SIPA1L3: variants seen among roughly 807,000 people sequenced by gnomAD.
SIPA1L3 encodes signal induced proliferation associated 1 like 3.
In SIPA1L3, 59 loss-of-function variants were observed where a neutral mutation model predicts 150.1. That is an observed-to-expected ratio of 0.39 (90% CI 0.32 to 0.49). SIPA1L3 has a LOEUF of 0.49. SIPA1L3 is among the 20% of genes least tolerant of loss of function. The probability of loss-of-function intolerance (pLI) is 0.86; values close to 1 mark genes in which losing one functional copy is unlikely to be tolerated. For missense variants in SIPA1L3, 2,211 were observed against 2,489.5 expected, an observed-to-expected ratio of 0.89 and a Z score of 2.38; for synonymous variants, 1,070 against 1,077.6, an observed-to-expected ratio of 0.99 and a Z score of 0.14.
intron 1 of SIPA1L3, among the ~76,000 whole-genome samples, chr19:38,018,410 C>T (rs560233292): frequency 2.6e-5 from 4 of 152,084 alleles, no homozygotes; most frequent in South Asian, 2.1e-4. Flanking sequence ...GTGATCTGCC[C>T]GCCTCGGCTA....
intron 17 of SIPA1L3, among the ~76,000 whole-genome samples, 159 bp from the exon 18 acceptor site, chr19:38,193,378 G>A (rs2146046711): frequency 7.6e-6 from 1 of 130,926 alleles, no homozygotes; most frequent in South Asian, 3.0e-4. Context: ...GAGGGGGGAG[G>A]GAGGAAGGGA....
intron 1 of SIPA1L3, among the ~76,000 whole-genome samples, chr19:37,969,500 T>C (rs548642808): frequency 8.8e-5 from 13 of 147,418 alleles, no homozygotes; most frequent in African/African-American, 3.3e-4. Context: ...TGCAGTGAGC[T>C]GAGATTGTGC....
intron 14 of SIPA1L3, 50 bp downstream of exon 14, chr19:38,162,421 G>C: frequency 7.2e-7 from 1 of 1,390,184 alleles, no homozygotes; most frequent in Non-Finnish European, 1.0e-6. Context: ...GCCTGCCTGG[G>C]TGTGGCCTCT....
chr19:37,990,247 G>C (rs549604211), intron 1 of SIPA1L3, among the ~76,000 whole-genome samples: 1 of 152,186 alleles, frequency 6.6e-6, no homozygotes, highest in African/African-American at 2.4e-5. Context: ...CTACCTGGGG[G>C]TAGGGACAGA....
chr19:37,941,108 A>ACCCC (rs945437970), intron 1 of SIPA1L3, among the ~76,000 whole-genome samples: 12 of 150,434 alleles, frequency 8.0e-5, no homozygotes, highest in African/African-American at 2.9e-4. Context: ...ACACACACAC[A>ACCCC]CACACACACA....
chr19:38,160,405 T>C (rs1972054692), intron 13 of SIPA1L3, among the ~76,000 whole-genome samples: 1 of 149,892 alleles, frequency 6.7e-6, no homozygotes, highest in Admixed American at 6.7e-5. Flanking sequence ...CAGCTGCTAC[T>C]CTTTTTTTTT....
At position 38,206,914 on chromosome 19, in the gene SIPA1L3, G is replaced by T. The variant is rs890782626; in HGVS notation, c.*674G>T. On this transcript the variant is annotated 3_prime_UTR_variant, in exon 22 of 22. Transcript: ENST00000222345. ...AGAGGCAAGGCTAGCCTCCAGAGCC[G>T]ATTTATTTGAGAGAGAAACTCTATT... 1.3e-5 allele frequency: 2 copies of T among 152,558 alleles called. No homozygotes were observed. Among genetic ancestry groups the T allele is most frequent in the Non-Finnish European group, 2.9e-5 (2 of 68,048 alleles). 9.5% of individuals were successfully genotyped at this position (152,558 alleles called of 1,614,324 possible). A position where few individuals can be genotyped will look rare whatever the true frequency, so the allele number is the denominator to read the frequency against.
chr19:37,985,948 G>C (rs1188992937), intron 1 of SIPA1L3, among the ~76,000 whole-genome samples: 1 of 152,258 alleles, frequency 6.6e-6, no homozygotes, highest in Non-Finnish European at 1.5e-5. Context: ...AGGTGACCCA[G>C]CTGCGCCGTC....
intron 6 of SIPA1L3, among the ~76,000 whole-genome samples, chr19:38,105,718 A>G (rs1332885162): frequency 1.3e-5 from 2 of 152,150 alleles, no homozygotes; most frequent in African/African-American, 4.8e-5. Flanking sequence ...CAACATTTAG[A>G]GGATTTCCCC....
intron 1 of SIPA1L3, among the ~76,000 whole-genome samples, chr19:37,926,076 G>A (rs2046501119): frequency 6.6e-6 from 1 of 152,194 alleles, no homozygotes; most frequent in Non-Finnish European, 1.5e-5. Context: ...TGGACTGCCT[G>A]ACATTGTGCT....
chr19:38,106,210 G>A (rs1449595877), intron 6 of SIPA1L3: 3 of 284,238 alleles, frequency 1.1e-5, no homozygotes, highest in African/African-American at 2.3e-5. Context: ...GGGTTCAAGC[G>A]ATTCTCCTGC....
At chr19:38,010,439 G>A (rs897791276) in intron 1 of SIPA1L3, among the ~76,000 whole-genome samples, 5 of 151,602 alleles carry the variant, frequency 3.3e-5, no homozygotes, top group Admixed American at 2.0e-4. Context: ...GTCTGGGCAC[G>A]GTGGCTCACT....
chr19:38,195,994 A>G (rs955523399), intron 18 of SIPA1L3, among the ~76,000 whole-genome samples: 3 of 151,814 alleles, frequency 2.0e-5, no homozygotes, highest in Admixed American at 6.6e-5. Context: ...CACACAGCAC[A>G]CACACACCCT....
rs1439032230 is a variant in SIPA1L3, at chr19:38,204,182, A to C, written c.5176A>C (p.Lys1726Gln). 1 of 1,558,066 alleles carries C rather than the reference A, an allele frequency of 6.4e-7. No homozygotes were observed. Among genetic ancestry groups the C allele is most frequent in the Admixed American group, 1.9e-5 (1 of 52,864 alleles). The change falls in exon 21 of 22, where the codon AAA (lysine) becomes CAA (glutamine). Residue 1726 changes from lysine to glutamine, a missense_variant. By Grantham distance (53) the Lys-to-Gln change is moderately conservative. This residue lies in a region of SIPA1L3 where 63 missense variants were observed against 106.1 expected (regional missense o/e 0.59). Transcript: ENST00000222345. The stretch of plus-strand genomic sequence containing the variant: ...GGTGTACCAGCTGGAGGTGATGCTG[A>C]AACAGCTGCACACTGACCTGCAGAA... ...GKVYQLEVML[K>Q]QLHTDLQKEK...
chr19:38,166,987 C>T (rs1420190403), intron 15 of SIPA1L3, among the ~76,000 whole-genome samples: 2 of 151,658 alleles, frequency 1.3e-5, no homozygotes, highest in Non-Finnish European at 1.5e-5. Flanking sequence ...GTAATCCCAG[C>T]ACTTTGGGAG....
chr19:38,085,613 T>A (rs1354853310), intron 3 of SIPA1L3, among the ~76,000 whole-genome samples: 1 of 152,134 alleles, frequency 6.6e-6, no homozygotes, highest in Non-Finnish European at 1.5e-5. Context: ...GGCCATTTCA[T>A]GTTTCTTAAA....
chr19:37,943,596 G>C (rs1220714686), intron 1 of SIPA1L3, among the ~76,000 whole-genome samples: 1 of 152,168 alleles, frequency 6.6e-6, no homozygotes, highest in Non-Finnish European at 1.5e-5. Context: ...GCCCAGATAA[G>C]GTGTGCATCT....
chr19:38,169,166 A>G (rs1273270818), intron 15 of SIPA1L3, among the ~76,000 whole-genome samples: 1 of 152,154 alleles, frequency 6.6e-6, no homozygotes, highest in Non-Finnish European at 1.5e-5. Context: ...AGGCAGGTGG[A>G]TCACTTGAGG....
At chr19:37,911,660 C>T (rs971909044) in intron 1 of SIPA1L3, among the ~76,000 whole-genome samples, 1 of 151,580 alleles carries the variant, frequency 6.6e-6, no homozygotes, top group Non-Finnish European at 1.5e-5. Flanking sequence ...TACAGGCGCC[C>T]GCCACCACGC....
Sources: gnomAD v4.1 joint callset for allele counts (sites outside exome capture counted in the v4.1 genomes callset) on GRCh38, gnomAD v4.1.1 for gene constraint, gnomAD v4.1.1 regional missense constraint, MANE v1.5 for transcripts, NCBI Gene and HGNC (gene_info 2026-07-23, HGNC 2026-07-21) for gene names.